Variants in FBN2 observed in about 807,000 individuals in gnomAD.
FBN2 encodes the protein fibrillin-2.
In FBN2, 105 loss-of-function variants were observed where a neutral mutation model predicts 355.6. The ratio of observed to expected loss-of-function variants is 0.30; its 90% confidence interval spans 0.25 to 0.35. The LOEUF (loss-of-function observed/expected upper bound fraction) is 0.35. Ranked by LOEUF, FBN2 falls within the 10% of genes least tolerant of loss-of-function variation. The pLI, the probability that FBN2 is intolerant of heterozygous loss-of-function variation, is 1.00. For synonymous variants in FBN2, 1,350 were observed against 1,301.2 expected (o/e 1.04, Z -0.81); for missense variants, 3,280 against 3,758.7 (o/e 0.87, Z 3.33).
Position 128,369,341 on chromosome 5 carries a change from G to C in FBN2, c.2096-7C>G, listed in dbSNP as rs1390799778. ...GTACTGCGCATGTGAGTATCTAAAG[G>C]AGATACAAAAACAATGACTTGAGGC... On this transcript the variant is annotated splice_polypyrimidine_tract_variant and splice_region_variant and intron_variant, in intron 15 of 64. Coordinates refer to ENST00000262464, the MANE Select transcript of FBN2 (RefSeq NM_001999.4). 1 of 1,613,784 alleles carries C rather than the reference G, an allele frequency of 6.2e-7. No individual in the cohort carries two copies. The highest frequency in any genetic ancestry group is 8.5e-7 in the Non-Finnish European group (1 of 1,179,826).
intron 8 of FBN2, among the ~76,000 whole-genome samples, chr5:128,401,848 T>C (rs1752805964): frequency 1.3e-5 from 2 of 152,196 alleles, no homozygotes. Flanking sequence ...AGTCCTGTAA[T>C]ACATGTACTG....
intron 47 of FBN2, 145 bp from the exon 48 acceptor site, chr5:128,301,081 C>T (rs55748304): frequency 3.9e-6 from 3 of 770,956 alleles, no homozygotes; most frequent in Admixed American, 2.2e-5. Context: ...ACCAAAGATA[C>T]TCTTCTGACA....
chr5:128,408,609 C>T, intron 8 of FBN2, 65 bp downstream of exon 8: 1 of 1,590,724 alleles, frequency 6.3e-7, no homozygotes, highest in Non-Finnish European at 8.6e-7. Context: ...CATCTTCATA[C>T]CTGTTTGGGC....
In FBN2 at chr5:128,261,914, G is replaced by C. The variant is rs754837805; in HGVS notation, c.8193-7C>G. Reference sequence around the variant, plus strand: ...CATTCCTGAGACACAGTGGCTATTTGCAAAAAGCAAAGTATTGTTAGACTT... The same window carrying C: ...CATTCCTGAGACACAGTGGCTATTTCCAAAAAGCAAAGTATTGTTAGACTT... On this transcript the variant is annotated splice_polypyrimidine_tract_variant and splice_region_variant and intron_variant, in intron 63 of 64. Transcript: ENST00000262464. 7.4e-6 allele frequency: 12 copies of C among 1,612,434 alleles called. No individual in the cohort carries two copies. The highest frequency in any genetic ancestry group is 5.0e-5 in the Admixed American group (3 of 60,010).
At position 128,457,388 on chromosome 5, in the gene FBN2, T is replaced by C. The variant is rs564000302; in HGVS notation, c.826+7336A>G. Among the ~76,000 whole-genome samples, 4 of 152,260 alleles carry C rather than the reference T, an allele frequency of 2.6e-5. No homozygotes were observed. In the East Asian group the frequency reaches 5.8e-4, roughly 22 times the overall value. On this transcript the variant is annotated intron_variant, in intron 6 of 64. Transcript: ENST00000262464. Reference sequence around the variant, plus strand: ...AGCTGGAAAACATATTTCTGGATATTATCCAGAAGAACTTCCCCAACCTAG... The same window carrying C: ...AGCTGGAAAACATATTTCTGGATATCATCCAGAAGAACTTCCCCAACCTAG...
chr5:128,332,420 G>A (rs1185067342), intron 32 of FBN2, among the ~76,000 whole-genome samples: 1 of 152,066 alleles, frequency 6.6e-6, no homozygotes, highest in African/African-American at 2.4e-5. Flanking sequence ...TGGAGAATTT[G>A]CCTATTTTTT....
intron 5 of FBN2, among the ~76,000 whole-genome samples, chr5:128,504,303 A>G (rs1755896355): frequency 1.3e-5 from 2 of 152,154 alleles, no homozygotes; most frequent in African/African-American, 2.4e-5. Flanking sequence ...GACACTGTCT[A>G]GTGGAGCTGT....
chr5:128,514,679 T>C (rs1251221157), intron 5 of FBN2, among the ~76,000 whole-genome samples: 1 of 152,198 alleles, frequency 6.6e-6, no homozygotes. Flanking sequence ...TAACTTACTC[T>C]TACATCTTGC....
intron 54 of FBN2, 119 bp from the exon 55 acceptor site, chr5:128,286,968 A>G: frequency 9.8e-7 from 1 of 1,020,388 alleles, no homozygotes; most frequent in East Asian, 2.6e-5. Context: ...CAGAGAAAGG[A>G]GAAGCCCAGC....
At position 128,287,427 on chromosome 5, in the gene FBN2, A is replaced by G; in HGVS notation, c.6761T>C (p.Ile2254Thr). The G allele has an allele frequency of 6.2e-7, 1 of 1,613,894 alleles. No individual in the cohort carries two copies. Among genetic ancestry groups the G allele is most frequent in the Non-Finnish European group, 8.5e-7 (1 of 1,179,820 alleles). The change falls in exon 54 of 65, where the codon ATC (isoleucine) becomes ACC (threonine). Residue 2254 changes from isoleucine (I) to threonine (T), a missense_variant. Around this residue, in one of 6 missense-constraint regions of FBN2, gnomAD observed 2,284 missense variants for 2,749.5 expected, o/e 0.83. Coordinates refer to ENST00000262464, the MANE Select transcript of FBN2 (RefSeq NM_001999.4). Reference protein sequence around the residue: ...EPGPMMNCEDINECAQNPLLC... With the variant: ...EPGPMMNCEDTNECAQNPLLC... ...CAGTGGGTTCTGGGCACATTCGTTG[A>G]TATCTGACCAAAGGAATGGACAGGA...
chr5:128,259,897 C>G (rs995892426), intron 64 of FBN2, 68 bp from the exon 65 acceptor site: 1 of 1,545,862 alleles, frequency 6.5e-7, no homozygotes, highest in Non-Finnish European at 8.9e-7. Flanking sequence ...AGAAAGAGAT[C>G]AGCTGCAGGG....
At chr5:128,377,187 G>A (rs2126957782) in intron 13 of FBN2, among the ~76,000 whole-genome samples, 1 of 152,244 alleles carries the variant, frequency 6.6e-6, no homozygotes, top group South Asian at 2.1e-4. Flanking sequence ...GGCAATGGCA[G>A]ACCTCACTGC....
chr5:128,379,369 T>G (rs2126960837), intron 11 of FBN2, among the ~76,000 whole-genome samples: 1 of 152,056 alleles, frequency 6.6e-6, no homozygotes, highest in Middle Eastern at 3.4e-3. Flanking sequence ...TTGGTATAAC[T>G]TTTTTTTGGT....
At chr5:128,490,915 T>G (rs900941044) in intron 5 of FBN2, among the ~76,000 whole-genome samples, 1 of 152,194 alleles carries the variant, frequency 6.6e-6, no homozygotes, top group African/African-American at 2.4e-5. Context: ...TAATGCAGAA[T>G]TTTTGGAATG....
intron 19 of FBN2, among the ~76,000 whole-genome samples, chr5:128,361,478 T>A (rs1033708676): frequency 3.3e-5 from 5 of 152,240 alleles, no homozygotes; most frequent in Admixed American, 1.3e-4. Flanking sequence ...TTCTTTTTTA[T>A]CCGCTTTAAA....
At chr5:128,366,920 G>T (rs1251703965) in intron 16 of FBN2, among the ~76,000 whole-genome samples, 2 of 152,134 alleles carry the variant, frequency 1.3e-5, no homozygotes, top group Admixed American at 1.3e-4. Flanking sequence ...GAGAAGTGCA[G>T]TAACTTGACC....
intron 48 of FBN2, among the ~76,000 whole-genome samples, chr5:128,294,717 C>T (rs540628464): frequency 5.8e-4 from 88 of 150,728 alleles, no homozygotes; most frequent in Middle Eastern, 3.4e-3. Context: ...TGTTTGAGTT[C>T]ATTGTAGATT....
chr5:128,263,324 T>A (rs1479864264), intron 63 of FBN2, 101 bp downstream of exon 63: 3 of 878,964 alleles, frequency 3.4e-6, no homozygotes, highest in Non-Finnish European at 5.8e-6. Flanking sequence ...CTTTTGCGGT[T>A]TGGCTTTTAG....
At chr5:128,521,403 G>A (rs958011668) in intron 4 of FBN2, among the ~76,000 whole-genome samples, 2 of 152,094 alleles carry the variant, frequency 1.3e-5, no homozygotes, top group Non-Finnish European at 2.9e-5. Context: ...AGGATAAATA[G>A]CTAATGCATG....
Sources: allele counts gnomAD v4.1 joint callset (sites outside exome capture counted in the v4.1 genomes callset), GRCh38; gene constraint gnomAD v4.1.1; regional missense constraint gnomAD v4.1.1; transcripts MANE v1.5; gene names NCBI Gene and HGNC (gene_info 2026-07-23, HGNC 2026-07-21).